The following RTN1 variants were observed in gnomAD, a reference collection of about 807,000 sequenced individuals.
RTN1 encodes reticulon-1.
Under a neutral mutation model 65.5 loss-of-function variants are expected in RTN1, and 25 were observed. The observed-to-expected ratio is 0.38, with a 90% CI of 0.28 to 0.53. The LOEUF (loss-of-function observed/expected upper bound fraction) is 0.53. RTN1 is among the 20% of genes least tolerant of loss of function. The probability of loss-of-function intolerance (pLI) is 0.79; values close to 1 mark genes in which losing one functional copy is unlikely to be tolerated. For synonymous variants in RTN1, 471 were observed against 447.6 expected, an observed-to-expected ratio of 1.05 and a Z score of -0.66; for missense variants, 983 against 1,025.4, an observed-to-expected ratio of 0.96 and a Z score of 0.57.
chr14:59,654,766 C>T (rs980925133), intron 3 of RTN1, among the ~76,000 whole-genome samples: 1 of 151,946 alleles, frequency 6.6e-6, no homozygotes, highest in African/African-American at 2.4e-5. Context: ...TTAAAAACGA[C>T]AACAAGAACA....
chr14:59,610,574 A>G (rs2140167315), intron 3 of RTN1, among the ~76,000 whole-genome samples: 1 of 152,332 alleles, frequency 6.6e-6, no homozygotes, highest in South Asian at 2.1e-4. Flanking sequence ...AGATCTAATT[A>G]ACTAACTCTT....
chr14:59,696,917 C>A (rs1299935942), intron 3 of RTN1, among the ~76,000 whole-genome samples: 2 of 152,146 alleles, frequency 1.3e-5, no homozygotes, highest in Non-Finnish European at 2.9e-5. Flanking sequence ...ATCACAAGAT[C>A]TAGAAAATAT....
intron 3 of RTN1, among the ~76,000 whole-genome samples, chr14:59,719,781 G>A (rs1228022701): frequency 5.9e-5 from 9 of 152,160 alleles, no homozygotes; most frequent in Non-Finnish European, 1.0e-4. Flanking sequence ...TTGACCTCAT[G>A]TTGCCTCTGA....
chr14:59,815,518 T>C (rs543216668), intron 1 of RTN1, among the ~76,000 whole-genome samples: 9 of 152,210 alleles, frequency 5.9e-5, no homozygotes, highest in Non-Finnish European at 1.0e-4. Context: ...GATTCTCAGA[T>C]GGTAATTTAT....
intron 3 of RTN1, among the ~76,000 whole-genome samples, chr14:59,715,104 C>T (rs1441401265): frequency 6.6e-6 from 1 of 152,134 alleles, no homozygotes; most frequent in African/African-American, 2.4e-5. Context: ...TCCCTGGTAC[C>T]AAAAGGGTTG....
chr14:59,690,805 C>G (rs776644543), intron 3 of RTN1, among the ~76,000 whole-genome samples: 15 of 151,964 alleles, frequency 9.9e-5, no homozygotes, highest in Non-Finnish European at 2.1e-4. Flanking sequence ...AACCATATAA[C>G]TGCATGGAAA....
At chr14:59,649,429 GCTT>G (rs1357700441) in intron 3 of RTN1, among the ~76,000 whole-genome samples, 1 of 152,142 alleles carries the variant, frequency 6.6e-6, no homozygotes, top group African/African-American at 2.4e-5. Flanking sequence ...AAACTGAAGG[GCTT>G]CTTCACAGCA....
chr14:59,698,060 T>C (rs1158515026), intron 3 of RTN1, among the ~76,000 whole-genome samples: 1 of 152,212 alleles, frequency 6.6e-6, no homozygotes, highest in East Asian at 1.9e-4. Context: ...GTGATCTTTT[T>C]ATTTTATGGC....
rs1371206232 is a variant in RTN1, at chr14:59,803,995, A to G, written c.242-57514T>C. Among the ~76,000 whole-genome samples, 1 of 152,172 alleles carries G rather than the reference A, an allele frequency of 6.6e-6. No individual in the cohort carries two copies. Among genetic ancestry groups the G allele is most frequent in the Admixed American group, 6.5e-5 (1 of 15,276 alleles). Reference sequence around the variant, plus strand: ...GTTTCCTCTCTTGTTAACATCTTACATGGTCTATTTGTTACAATTAATAGA... The same window carrying G: ...GTTTCCTCTCTTGTTAACATCTTACGTGGTCTATTTGTTACAATTAATAGA... On this transcript the variant is annotated intron_variant, in intron 1 of 8. Coordinates refer to ENST00000267484, the MANE Select transcript of RTN1 (RefSeq NM_021136.3). This position sits in a 1 kb window ranked among gnomAD's most constrained non-coding sequence, Gnocchi z 5.6.
chr14:59,600,679 T>C (rs577875238), intron 8 of RTN1, among the ~76,000 whole-genome samples: 1 of 152,306 alleles, frequency 6.6e-6, no homozygotes, highest in Non-Finnish European at 1.5e-5. Flanking sequence ...CTCTGATAGA[T>C]AGTGAGAACC....
chr14:59,656,249 G>T (rs1398617717), intron 3 of RTN1, among the ~76,000 whole-genome samples: 1 of 151,254 alleles, frequency 6.6e-6, no homozygotes, highest in Non-Finnish European at 1.5e-5. Flanking sequence ...ATGGTTACAG[G>T]GTTTCTTTGG....
chr14:59,832,486 C>A (rs946937992), intron 1 of RTN1, among the ~76,000 whole-genome samples: 6 of 152,208 alleles, frequency 3.9e-5, no homozygotes, highest in African/African-American at 1.4e-4. Flanking sequence ...TTCTCCCTTA[C>A]AGCAGGCCAG....
intron 1 of RTN1, among the ~76,000 whole-genome samples, chr14:59,848,490 A>G (rs1002832616): frequency 6.6e-6 from 1 of 152,254 alleles, no homozygotes; most frequent in Non-Finnish European, 1.5e-5. Context: ...AGAAATTCAA[A>G]GTGATATAAC....
chr14:59,731,997 G>T (rs918149787), intron 2 of RTN1, among the ~76,000 whole-genome samples: 5 of 152,166 alleles, frequency 3.3e-5, no homozygotes, highest in Non-Finnish European at 7.3e-5. Context: ...AAACAGAATG[G>T]GCTAGGTGCA....
intron 1 of RTN1, among the ~76,000 whole-genome samples, chr14:59,851,163 C>A (rs147007676): frequency 6.6e-6 from 1 of 152,296 alleles, no homozygotes; most frequent in African/African-American, 2.4e-5. Context: ...TGGAGCATAT[C>A]ATTCAATATC....
chr14:59,837,072 TATAAC>T (rs1286243424), intron 1 of RTN1, among the ~76,000 whole-genome samples: 4 of 151,958 alleles, frequency 2.6e-5, no homozygotes, highest in Admixed American at 2.6e-4. Flanking sequence ...TACCTCATAA[TATAAC>T]ATATCATCAA....
intron 1 of RTN1, among the ~76,000 whole-genome samples, chr14:59,831,125 A>T (rs1887117558): frequency 6.6e-6 from 1 of 152,228 alleles, no homozygotes; most frequent in Non-Finnish European, 1.5e-5. Context: ...TGAAAGAAGG[A>T]CATACCTCTT....
chr14:59,708,340 A>G (rs1391614687), intron 3 of RTN1, among the ~76,000 whole-genome samples: 1 of 152,214 alleles, frequency 6.6e-6, no homozygotes, highest in Non-Finnish European at 1.5e-5. Flanking sequence ...TAAAAACCAG[A>G]TTTGTTTTTC....
At chr14:59,683,857 C>T (rs1385400595) in intron 3 of RTN1, among the ~76,000 whole-genome samples, 4 of 152,022 alleles carry the variant, frequency 2.6e-5, no homozygotes, top group South Asian at 2.1e-4. Context: ...TGTTTTTTAG[C>T]TCTTGCCAAC....
Sources: gnomAD v4.1 joint callset for allele counts (sites outside exome capture counted in the v4.1 genomes callset) on GRCh38, gnomAD v4.1.1 for gene constraint, Gnocchi (gnomAD v3.1) non-coding constraint, MANE v1.5 for transcripts, NCBI Gene and HGNC (gene_info 2026-07-23, HGNC 2026-07-21) for gene names.